RSU1: variants seen among roughly 807,000 people sequenced by gnomAD.
RSU1 encodes Ras suppressor protein 1.
A neutral mutation model predicts 31.1 loss-of-function variants in RSU1; 26 were observed. The observed-to-expected ratio is 0.84, with a 90% confidence interval of 0.61 to 1.16. The LOEUF (loss-of-function observed/expected upper bound fraction) is 1.16, where lower values mean the gene tolerates loss of function less well. Ranked by LOEUF, RSU1 falls within the 50% of genes most tolerant of loss-of-function variation. RSU1 has a pLI of 0.00. For synonymous variants in RSU1, 164 were observed against 136.3 expected (o/e 1.20, Z -1.41); for missense variants, 320 against 339.1 (o/e 0.94, Z 0.44).
intron 8 of RSU1, among the ~76,000 whole-genome samples, chr10:16,610,258 G>A (rs1419715090): frequency 2.0e-5 from 3 of 152,178 alleles, no homozygotes; most frequent in African/African-American, 7.2e-5. Flanking sequence ...CCTATAGTTG[G>A]TGGCTATGCT....
chr10:16,603,042 T>G (rs1002204784), intron 8 of RSU1, among the ~76,000 whole-genome samples: 1 of 152,190 alleles, frequency 6.6e-6, no homozygotes, highest in Admixed American at 6.5e-5. Flanking sequence ...AGGAAATGTT[T>G]TTTTTTCTTT....
chr10:16,620,262 T>C (rs144639297), intron 8 of RSU1, among the ~76,000 whole-genome samples: 329 of 152,282 alleles, frequency 2.2e-3, no homozygotes, highest in African/African-American at 7.4e-3. Context: ...TTTAAGTATC[T>C]TGAAAAAATG....
chr10:16,745,638 C>T (rs1353030452), intron 7 of RSU1, among the ~76,000 whole-genome samples: 1 of 152,150 alleles, frequency 6.6e-6, no homozygotes, highest in Non-Finnish European at 1.5e-5. Flanking sequence ...AAAGACCCGC[C>T]CCCATGATTC....
At chr10:16,786,710 T>A (rs1837799311) in intron 2 of RSU1, among the ~76,000 whole-genome samples, 1 of 152,130 alleles carries the variant, frequency 6.6e-6, no homozygotes, top group Non-Finnish European at 1.5e-5. Context: ...TCATTCTAGT[T>A]TTCTCCCTTC....
chr10:16,745,965 G>T (rs985145846), intron 7 of RSU1, among the ~76,000 whole-genome samples: 1 of 152,060 alleles, frequency 6.6e-6, no homozygotes, highest in Non-Finnish European at 1.5e-5. Context: ...AACAAATACT[G>T]GATTTTCTTC....
intron 8 of RSU1, among the ~76,000 whole-genome samples, chr10:16,692,799 A>G (rs1316365882): frequency 6.6e-6 from 1 of 152,198 alleles, no homozygotes; most frequent in African/African-American, 2.4e-5. Context: ...ATTAATACAC[A>G]TCCTATACCT....
At chr10:16,650,371 T>C (rs945687414) in intron 8 of RSU1, among the ~76,000 whole-genome samples, 1 of 152,146 alleles carries the variant, frequency 6.6e-6, no homozygotes, top group African/African-American at 2.4e-5. Flanking sequence ...CTCCTCAAAA[T>C]AGCGCTGACC....
chr10:16,626,357 T>G (rs1244709662), intron 8 of RSU1, among the ~76,000 whole-genome samples: 3 of 152,068 alleles, frequency 2.0e-5, no homozygotes, highest in African/African-American at 7.2e-5. Flanking sequence ...GGCTAACTTG[T>G]TTTTTTATGT....
rs71374701 is a variant in RSU1, at chr10:16,760,517, G to GAAA, written c.281+3870_281+3872dup. 8.0e-5 allele frequency among the ~76,000 whole-genome samples: 8 copies of GAAA among 100,236 alleles called. No individual in the cohort carries two copies. The East Asian group carries it at 2.5e-3, about 31-fold the overall frequency. 65.8% of individuals were successfully genotyped at this position (100,236 alleles called of 152,430 possible). A position where few individuals can be genotyped will look rare whatever the true frequency, so the allele number is the denominator to read the frequency against. ...AGAAAGAAACTCCATCTCAAAAAAA[G>GAAA]AAAAAAAAAAAAAAAGAAAAGTGTA... On this transcript the variant is annotated intron_variant, in intron 4 of 8. Coordinates refer to ENST00000345264, the MANE Select transcript of RSU1 (RefSeq NM_012425.4).
intron 7 of RSU1, among the ~76,000 whole-genome samples, chr10:16,747,232 T>A (rs1836874050): frequency 6.6e-6 from 1 of 152,210 alleles, no homozygotes; most frequent in South Asian, 2.1e-4. Flanking sequence ...TTTCACTCTC[T>A]GCAGTCACAC....
chr10:16,766,409 A>G (rs555289001), intron 3 of RSU1, among the ~76,000 whole-genome samples: 1 of 152,306 alleles, frequency 6.6e-6, no homozygotes, highest in South Asian at 2.1e-4. Flanking sequence ...CACTGTGTGT[A>G]AGGGATTACC....
chr10:16,774,832 G>A (rs992026710), intron 3 of RSU1, among the ~76,000 whole-genome samples: 1 of 152,154 alleles, frequency 6.6e-6, no homozygotes, highest in Non-Finnish European at 1.5e-5. Context: ...GGGCACAGGG[G>A]CTCACAGTGG....
intron 7 of RSU1, chr10:16,726,966 A>G (rs1477974208): frequency 1.2e-5 from 5 of 434,148 alleles, no homozygotes; most frequent in African/African-American, 2.0e-5. Context: ...TCTGATGACT[A>G]AACTTGTTTT....
intron 8 of RSU1, among the ~76,000 whole-genome samples, chr10:16,620,938 G>A (rs778418859): frequency 6.6e-6 from 1 of 152,008 alleles, no homozygotes; most frequent in Non-Finnish European, 1.5e-5. Flanking sequence ...AATGCAAACT[G>A]GGCAGTCCTG....
At chr10:16,694,074 C>T (rs1461052718) in intron 8 of RSU1, among the ~76,000 whole-genome samples, 2 of 151,916 alleles carry the variant, frequency 1.3e-5, no homozygotes, top group Non-Finnish European at 2.9e-5. Context: ...AATGACGGTA[C>T]ATATAACAAC....
chr10:16,733,333 TAAAAAAAAAAAAAAA>T (rs569239845), intron 7 of RSU1, among the ~76,000 whole-genome samples: 1 of 79,642 alleles, frequency 1.3e-5, no homozygotes, highest in Non-Finnish European at 2.4e-5. Flanking sequence ...TCTACGACAA[TAAAAAAAAAAAAAAA>T]AAAAAAAAAA....
intron 8 of RSU1, among the ~76,000 whole-genome samples, chr10:16,674,540 G>A (rs1202546606): frequency 6.6e-6 from 1 of 152,010 alleles, no homozygotes; most frequent in African/African-American, 2.4e-5. Flanking sequence ...CCTGAGGACA[G>A]AGCAGTGTAC....
At chr10:16,664,429 G>C (rs1290244656) in intron 8 of RSU1, among the ~76,000 whole-genome samples, 1 of 152,182 alleles carries the variant, frequency 6.6e-6, no homozygotes, top group South Asian at 2.1e-4. Context: ...AGAGAAGCAA[G>C]GAAGTGTTAC....
chr10:16,640,651 G>A (rs933323303), intron 8 of RSU1, among the ~76,000 whole-genome samples: 8 of 152,304 alleles, frequency 5.3e-5, no homozygotes, highest in South Asian at 2.1e-4. Context: ...CAGGGCCTTC[G>A]CATGTGTGCT....
Sources: allele counts gnomAD v4.1 joint callset (sites outside exome capture counted in the v4.1 genomes callset), GRCh38; gene constraint gnomAD v4.1.1; transcripts MANE v1.5; gene names NCBI Gene and HGNC (gene_info 2026-07-23, HGNC 2026-07-21).